PIERCE2: variants seen among roughly 807,000 people sequenced by gnomAD.
The protein encoded by PIERCE2 is piercer of microtubule wall 2 protein.
At chr15:55,412,360 CATAGT>C in the PIERCE2 span, among the ~76,000 whole-genome samples, 1,218 of 152,154 alleles carry the variant, frequency 8.0e-3, 15 homozygotes, top group African/African-American at 0.028. Context: ...AACATGAAAA[CATAGT>C]ATACTACACT....
chr15:55,412,756 C>A, the PIERCE2 span, among the ~76,000 whole-genome samples: 29 of 152,044 alleles, frequency 1.9e-4, no homozygotes, highest in Middle Eastern at 3.4e-3. Flanking sequence ...CCAGCCTGGG[C>A]AACAAAGTGA....
the PIERCE2 span, among the ~76,000 whole-genome samples, chr15:55,413,760 C>CAAA: frequency 0.01 from 1,133 of 111,106 alleles, 31 homozygotes; most frequent in African/African-American, 0.022. Flanking sequence ...AACTCCGTTT[C>CAAA]AAAAAAAAAA....
At chr15:55,409,447 G>C in the PIERCE2 span, among the ~76,000 whole-genome samples, 1 of 151,964 alleles carries the variant, frequency 6.6e-6, no homozygotes, top group Non-Finnish European at 1.5e-5. Context: ...CTTTACAGAA[G>C]CAATAAAAAG....
At chr15:55,416,643 C>T in the PIERCE2 span, among the ~76,000 whole-genome samples, 4 of 152,092 alleles carry the variant, frequency 2.6e-5, no homozygotes, top group South Asian at 6.2e-4. Context: ...CCTGTGAATT[C>T]TACTTCCAAA....
the PIERCE2 span, among the ~76,000 whole-genome samples, chr15:55,412,936 C>A: frequency 6.6e-6 from 1 of 152,052 alleles, no homozygotes; most frequent in South Asian, 2.1e-4. Flanking sequence ...TCAAGACCAG[C>A]CTGGGCAACA....
At chr15:55,418,172 T>C in the PIERCE2 span, 39 of 1,557,808 alleles carry the variant, frequency 2.5e-5, no homozygotes, top group Non-Finnish European at 3.3e-5. Flanking sequence ...TTAAATTTTT[T>C]TTTTTTCAGA....
At chr15:55,418,105 C>T in the PIERCE2 span, 27 of 1,585,814 alleles carry the variant, frequency 1.7e-5, no homozygotes, top group Non-Finnish European at 1.9e-5. Context: ...AGAGGCCTGA[C>T]ATTCAATGCC....
the PIERCE2 span, chr15:55,417,629 C>T: frequency 1.3e-5 from 2 of 152,156 alleles, no homozygotes; most frequent in Non-Finnish European, 2.9e-5. Flanking sequence ...AATAAATTCT[C>T]ATAGTTCTAG....
the PIERCE2 span, among the ~76,000 whole-genome samples, chr15:55,416,632 T>G: frequency 6.6e-6 from 1 of 151,982 alleles, no homozygotes; most frequent in African/African-American, 2.4e-5. Context: ...AATCATGAGA[T>G]CCTGTGAATT....
chr15:55,418,644 C>A, the PIERCE2 span: 2 of 1,005,420 alleles, frequency 2.0e-6, no homozygotes, highest in Admixed American at 3.4e-5. Flanking sequence ...GGTAGAATAC[C>A]TAATAAAGAA....
chr15:55,417,399 C>T, the PIERCE2 span, among the ~76,000 whole-genome samples: 52 of 152,234 alleles, frequency 3.4e-4, no homozygotes, highest in Admixed American at 1.8e-3. Flanking sequence ...TAAGAACCCC[C>T]ATTCTGTCTT....
chr15:55,408,854 C>T, the PIERCE2 span: 2 of 1,145,530 alleles, frequency 1.7e-6, no homozygotes, highest in South Asian at 2.8e-5. Context: ...GAGGCACCAC[C>T]TACTCCTACC....
At chr15:55,414,250 C>T in the PIERCE2 span, among the ~76,000 whole-genome samples, 18 of 149,852 alleles carry the variant, frequency 1.2e-4, no homozygotes, top group East Asian at 3.6e-3. Context: ...CTTGTTGCCC[C>T]GGCTGGAGTC....
chr15:55,411,682 G>A, the PIERCE2 span, among the ~76,000 whole-genome samples: 1 of 152,000 alleles, frequency 6.6e-6, no homozygotes, highest in Non-Finnish European at 1.5e-5. Flanking sequence ...AGCACTTTGG[G>A]AGGCCGAGGC....
At chr15:55,418,153 G>A in the PIERCE2 span, 5 of 1,568,070 alleles carry the variant, frequency 3.2e-6, no homozygotes, top group Non-Finnish European at 4.3e-6. Flanking sequence ...GGAAGTGGGT[G>A]GGACTGAATT....
At chr15:55,408,667 G>C in the PIERCE2 span, 2 of 698,932 alleles carry the variant, frequency 2.9e-6, no homozygotes, top group Non-Finnish European at 5.0e-6. Context: ...TGCTTTAATT[G>C]GGTGCGGTTA....
chr15:55,408,748 A>C, the PIERCE2 span: 1 of 1,527,912 alleles, frequency 6.5e-7, no homozygotes, highest in South Asian at 1.2e-5. Flanking sequence ...TTGCCGAAAA[A>C]ATTAACAAAG....
At chr15:55,408,689 C>A in the PIERCE2 span, 1 of 896,976 alleles carries the variant, frequency 1.1e-6, no homozygotes, top group African/African-American at 1.7e-5. Context: ...AAGGCCACGT[C>A]CCTAGGCGTT....
the PIERCE2 span, among the ~76,000 whole-genome samples, chr15:55,416,490 T>C: frequency 6.6e-6 from 1 of 152,090 alleles, no homozygotes; most frequent in South Asian, 2.1e-4. Flanking sequence ...TAAAACTACA[T>C]ATATATATTT....
Sources: gnomAD v4.1 joint callset for allele counts (sites outside exome capture counted in the v4.1 genomes callset) on GRCh38, gnomAD v4.1.1 for gene constraint, MANE v1.5 for transcripts, NCBI Gene and HGNC (gene_info 2026-07-23, HGNC 2026-07-21) for gene names.